WDPCP: variants seen among roughly 807,000 people sequenced by gnomAD.
WDPCP encodes WD repeat containing planar cell polarity effector.
Under a neutral mutation model 93.1 loss-of-function variants are expected in WDPCP, and 71 were observed. The observed-to-expected ratio is 0.76, with a 90% CI of 0.63 to 0.93. The LOEUF is 0.93. WDPCP is among the 40% of genes least tolerant of loss of function. The probability of loss-of-function intolerance (pLI) is 0.00; values close to 1 mark genes in which losing one functional copy is unlikely to be tolerated. For missense variants in WDPCP, 844 were observed against 887.4 expected, an observed-to-expected ratio of 0.95 and a Z score of 0.62; for synonymous variants, 315 against 315.0, an observed-to-expected ratio of 1.00 and a Z score of 0.00.
At chr2:63,599,469 T>C in intron 3 of WDPCP, 1 of 549,132 alleles carries the variant, frequency 1.8e-6, no homozygotes, top group Non-Finnish European at 2.9e-6. Context: ...TCTTTAAATG[T>C]ATTCTCTTAA....
At chr2:63,630,141 C>T (rs1284354072) in intron 3 of WDPCP, among the ~76,000 whole-genome samples, 2 of 152,030 alleles carry the variant, frequency 1.3e-5, no homozygotes, top group African/African-American at 2.4e-5. Context: ...CAAAAAGATA[C>T]ACTCAAAAAA....
intron 2 of WDPCP, among the ~76,000 whole-genome samples, chr2:63,693,439 T>TTAGATAGA (rs55755279): frequency 0.15 from 22,282 of 145,362 alleles, 1,810 homozygotes; most frequent in East Asian, 0.25. Context: ...GATATAGATA[T>TTAGATAGA]TAGATAGATA....
At chr2:63,172,298 G>C (rs187316373) in intron 15 of WDPCP, among the ~76,000 whole-genome samples, 1 of 152,294 alleles carries the variant, frequency 6.6e-6, no homozygotes, top group Non-Finnish European at 1.5e-5. Flanking sequence ...TTGAGCCCAG[G>C]AGTCTGAGAC....
In WDPCP at chr2:63,587,536, GA is replaced by G. The variant is rs1284968348; in HGVS notation, c.75+660del. On this transcript the variant is annotated intron_variant, in intron 1 of 17. Coordinates refer to ENST00000272321, the MANE Select transcript of WDPCP (RefSeq NM_015910.7). ...TTGGCATTCATTTATCAGTGACAGA[GA>G]AAAAACGGAAGTTCTAACAATGTTA... is the stretch of plus-strand genomic sequence containing the variant. 2.0e-5 allele frequency among the ~76,000 whole-genome samples: 3 copies of G among 152,266 alleles called. No homozygotes were observed. The South Asian group carries it at 6.2e-4, about 32-fold the overall frequency.
Position 63,373,059 on chromosome 2 carries a change from G to T in WDPCP, c.1748+5327C>A, listed in dbSNP as rs1274457643. 2.0e-5 allele frequency among the ~76,000 whole-genome samples: 3 copies of T among 152,062 alleles called. No individual in the cohort carries two copies. The East Asian group carries it at 5.8e-4, about 29-fold the overall frequency. On this transcript the variant is annotated intron_variant, in intron 12 of 17. Transcript: ENST00000272321. ...AATCGCTTGAACCTGGGAGGCGGAGGTTGCGGTGAGCCAAGATAACTCCAT... is the reference window on the plus strand; with the variant it reads ...AATCGCTTGAACCTGGGAGGCGGAGTTTGCGGTGAGCCAAGATAACTCCAT...
chr2:63,444,168 A>G (rs903825088), intron 6 of WDPCP, among the ~76,000 whole-genome samples: 1 of 152,174 alleles, frequency 6.6e-6, no homozygotes, highest in African/African-American at 2.4e-5. Context: ...TTCTGACCCA[A>G]AAGATCAGTT....
chr2:63,598,978 A>G (rs1411685467), intron 3 of WDPCP, among the ~76,000 whole-genome samples: 3 of 152,058 alleles, frequency 2.0e-5, no homozygotes, highest in Non-Finnish European at 2.9e-5. Flanking sequence ...TATTATTTCA[A>G]AATTTTTTAT....
At chr2:63,137,912 A>G (rs1670743695) in intron 17 of WDPCP, among the ~76,000 whole-genome samples, 1 of 152,004 alleles carries the variant, frequency 6.6e-6, no homozygotes. Context: ...CCATTGGTCC[A>G]TGTGTCTGTT....
At chr2:63,195,808 T>C (rs1675387887) in intron 14 of WDPCP, among the ~76,000 whole-genome samples, 1 of 152,138 alleles carries the variant, frequency 6.6e-6, no homozygotes, top group Non-Finnish European at 1.5e-5. Flanking sequence ...AAAGTTAAAA[T>C]TTATCAAAAT....
intron 2 of WDPCP, among the ~76,000 whole-genome samples, chr2:63,776,381 G>A (rs1198514327): frequency 2.0e-5 from 3 of 151,930 alleles, no homozygotes; most frequent in Non-Finnish European, 4.4e-5. Flanking sequence ...TAGGCTGGGT[G>A]CAGTGGCTCA....
At chr2:63,204,819 A>T (rs1434490202) in intron 14 of WDPCP, among the ~76,000 whole-genome samples, 1 of 151,114 alleles carries the variant, frequency 6.6e-6, no homozygotes, top group Non-Finnish European at 1.5e-5. Flanking sequence ...CACTTTGTGG[A>T]TTGTTTCCTT....
chr2:63,274,819 A>G (rs1347758793), intron 13 of WDPCP, among the ~76,000 whole-genome samples: 3 of 152,166 alleles, frequency 2.0e-5, no homozygotes, highest in African/African-American at 7.2e-5. Flanking sequence ...TCAGTAATAA[A>G]AACTCTCCCA....
intron 1 of WDPCP, among the ~76,000 whole-genome samples, chr2:63,503,780 T>C (rs1025454247): frequency 3.3e-5 from 5 of 151,676 alleles, no homozygotes; most frequent in African/African-American, 4.8e-5. Flanking sequence ...ATAGCTAAAA[T>C]AAAGGCAAGA....
chr2:63,340,498 T>C (rs1409565262), intron 12 of WDPCP, among the ~76,000 whole-genome samples: 1 of 152,218 alleles, frequency 6.6e-6, no homozygotes, highest in African/African-American at 2.4e-5. Flanking sequence ...ATTTAAGCAG[T>C]CATGATGCTT....
In WDPCP at chr2:63,381,901, C is replaced by A; in HGVS notation, c.1624+5G>T. 1 of 1,612,888 alleles carries A rather than the reference C, an allele frequency of 6.2e-7. No individual in the cohort carries two copies. Among genetic ancestry groups the A allele is most frequent in the South Asian group, 1.1e-5 (1 of 91,046 alleles). The stretch of plus-strand genomic sequence containing the variant: ...CTCATCAATGAAAAATATTTCAAGT[C>A]TGACCTTCTCTCTCTGGAGTGAGCT... On this transcript the variant is annotated splice_donor_5th_base_variant and intron_variant, in intron 11 of 17. Transcript: ENST00000272321.
chr2:63,213,023 G>C (rs916139353), intron 14 of WDPCP, among the ~76,000 whole-genome samples: 2 of 152,170 alleles, frequency 1.3e-5, no homozygotes, highest in East Asian at 3.9e-4. Flanking sequence ...CAATAATAAT[G>C]GGAGACTCAG....
At chr2:63,604,054 G>A (rs1709481665) in intron 3 of WDPCP, among the ~76,000 whole-genome samples, 1 of 152,138 alleles carries the variant, frequency 6.6e-6, no homozygotes, top group Non-Finnish European at 1.5e-5. Flanking sequence ...TATAGCTAGA[G>A]ATTGTTACAT....
rs772412784 is a variant in WDPCP at position 63,492,895 on chromosome 2, G to T, written c.121C>A (p.Leu41Met). The T allele has an allele frequency of 6.2e-7, 1 of 1,613,654 alleles. No homozygotes were observed. Among genetic ancestry groups the T allele is most frequent in the Non-Finnish European group, 8.5e-7 (1 of 1,179,892 alleles). The change falls in exon 2 of 18, where the codon CTG becomes ATG. Residue 41 changes from leucine (L) to methionine (M), a missense_variant. By Grantham distance (15) the Leu-to-Met change is conservative. Coordinates refer to ENST00000272321, the MANE Select transcript of WDPCP (RefSeq NM_015910.7). ...CHQMSFCLTE[L>M]HLWSLKNTLH... ...GTATTCTTCAAAGACCACAGGTGCA[G>T]TTCAGTCAAGCAGAAAGACATCTGA...
chr2:63,457,855 G>A (rs980013707), intron 6 of WDPCP, among the ~76,000 whole-genome samples: 1 of 152,088 alleles, frequency 6.6e-6, no homozygotes, highest in African/African-American at 2.4e-5. Context: ...ACTGGAATAC[G>A]GTGGCTCACG....
Sources: gnomAD v4.1 joint callset for allele counts (sites outside exome capture counted in the v4.1 genomes callset) on GRCh38, gnomAD v4.1.1 for gene constraint, MANE v1.5 for transcripts, NCBI Gene and HGNC (gene_info 2026-07-23, HGNC 2026-07-21) for gene names.